Variants in GNA12 observed in about 807,000 individuals in gnomAD.
GNA12 encodes guanine nucleotide-binding protein subunit alpha-12.
A neutral mutation model predicts 26.0 loss-of-function variants in GNA12; 9 were observed. That is an observed-to-expected ratio of 0.35 (90% CI 0.21 to 0.60). The LOEUF is 0.60. Ranked by LOEUF, GNA12 falls within the 20% of genes least tolerant of loss-of-function variation. The pLI is 0.78. For missense variants in GNA12, 405 were observed against 525.8 expected (o/e 0.77, Z 2.25); for synonymous variants, 264 against 219.6 (o/e 1.20, Z -1.79).
chr7:2,741,696 C>T (rs1212123149), intron 2 of GNA12, among the ~76,000 whole-genome samples: 1 of 152,038 alleles, frequency 6.6e-6, no homozygotes, highest in Non-Finnish European at 1.5e-5. Flanking sequence ...TCTTTCAATA[C>T]ACAGACTTTT....
chr7:2,832,021 T>A (rs1195139924), intron 1 of GNA12, among the ~76,000 whole-genome samples: 1 of 152,204 alleles, frequency 6.6e-6, no homozygotes, highest in Non-Finnish European at 1.5e-5. Flanking sequence ...CCCGTGGAGT[T>A]GTCAGTGACT....
At chr7:2,842,014 A>AGGAAGGAAGAAAGGGAGGGAGG (rs1386952004) in intron 1 of GNA12, among the ~76,000 whole-genome samples, 1 of 145,040 alleles carries the variant, frequency 6.9e-6, no homozygotes, top group Non-Finnish European at 1.5e-5. Flanking sequence ...GGAGGGAGGG[A>AGGAAGGAAGAAAGGGAGGGAGG]GAAAGGAAGG....
intron 2 of GNA12, among the ~76,000 whole-genome samples, chr7:2,777,346 T>C (rs1583272873): frequency 6.6e-6 from 1 of 152,272 alleles, no homozygotes; most frequent in African/African-American, 2.4e-5. Context: ...TATTGTCTCT[T>C]AGTTCAATTA....
rs112206528 is a variant in GNA12, at chr7:2,743,402, CA to C, written c.526-9902del. On this transcript the variant is annotated intron_variant, in intron 2 of 3. Transcript: ENST00000275364. ...TCAAAATATGGAAGATATTCATCATCAGGGGCAAAAACAATCAGAAGTTATC... is the reference window on the plus strand; with the variant it reads ...TCAAAATATGGAAGATATTCATCATCGGGGCAAAAACAATCAGAAGTTATC... Among the ~76,000 whole-genome samples, 1,050 of 152,254 alleles carry C rather than the reference CA, an allele frequency of 6.9e-3. 14 individuals carry two copies. The highest frequency in any genetic ancestry group is 0.024 in the African/African-American group (979 of 41,546).
chr7:2,812,907 T>C (rs1443086807), intron 1 of GNA12, among the ~76,000 whole-genome samples: 1 of 152,202 alleles, frequency 6.6e-6, no homozygotes, highest in Non-Finnish European at 1.5e-5. Flanking sequence ...ATATATAAAA[T>C]CAAAAGAATC....
At chr7:2,768,452 A>G (rs1255356449) in intron 2 of GNA12, among the ~76,000 whole-genome samples, 2 of 152,210 alleles carry the variant, frequency 1.3e-5, no homozygotes, top group Non-Finnish European at 2.9e-5. Flanking sequence ...TCAGAAAAAC[A>G]CTAACTGCAT....
At chr7:2,826,090 A>G (rs1367940004) in intron 1 of GNA12, among the ~76,000 whole-genome samples, 1 of 152,104 alleles carries the variant, frequency 6.6e-6, no homozygotes, top group African/African-American at 2.4e-5. Context: ...AAAACTAAAC[A>G]TACTCGGGCC....
Position 2,782,503 on chromosome 7 carries a change from T to C in GNA12, c.525+12425A>G, listed in dbSNP as rs111739079. 7.9e-5 allele frequency among the ~76,000 whole-genome samples: 12 copies of C among 152,326 alleles called. 1 individual carries two copies. Among genetic ancestry groups the C allele is most frequent in the African/African-American group, 2.9e-4 (12 of 41,576 alleles). On this transcript the variant is annotated intron_variant, in intron 2 of 3. Coordinates refer to ENST00000275364, the MANE Select transcript of GNA12 (RefSeq NM_007353.3). ...TGTAGACACCACCTCGAGATATCAT[T>C]CCACTCTTTCTGGCGCCTGCTGTAG... is the stretch of plus-strand genomic sequence containing the variant.
intron 2 of GNA12, chr7:2,763,182 AG>A (rs546871534): frequency 1.9e-4 from 140 of 741,858 alleles, no homozygotes; most frequent in Admixed American, 5.5e-5. Flanking sequence ...GGACTTCACA[AG>A]ACACCCCAAC....
chr7:2,735,174 C>T (rs1210753798), intron 2 of GNA12, among the ~76,000 whole-genome samples: 2 of 152,228 alleles, frequency 1.3e-5, no homozygotes, highest in Non-Finnish European at 2.9e-5. Flanking sequence ...CTCCTGCTCT[C>T]CTGCCCTCCC....
chr7:2,736,572 G>A (rs551170268), intron 2 of GNA12, among the ~76,000 whole-genome samples: 1 of 152,068 alleles, frequency 6.6e-6, no homozygotes. Flanking sequence ...GTTGATATGG[G>A]GCCTGTGCAC....
Position 2,738,533 on chromosome 7 carries a change from T to C in GNA12, c.526-5032A>G, listed in dbSNP as rs1259271269. On this transcript the variant is annotated intron_variant, in intron 2 of 3. Transcript: ENST00000275364. Reference sequence around the variant, plus strand: ...GAGTATCTTCCTTTTATGTAAGAAATGGCGGGAGACTAAAACCCATATTCT... The same window carrying C: ...GAGTATCTTCCTTTTATGTAAGAAACGGCGGGAGACTAAAACCCATATTCT... Among the ~76,000 whole-genome samples the C allele has an allele frequency of 3.3e-5, 5 of 151,938 alleles. 1 individual carries two copies. The South Asian group carries it at 1.0e-3, about 32-fold the overall frequency.
chr7:2,795,627 CA>C lies in GNA12; in HGVS notation c.310-485del, dbSNP rs11412223. Among the ~76,000 whole-genome samples, 924 of 117,506 alleles carry C rather than the reference CA, an allele frequency of 7.9e-3. 9 individuals carry two copies. The highest frequency in any genetic ancestry group is 0.025 in the African/African-American group (732 of 29,568). The allele number at this position is 117,506 out of a possible 152,430, so 77.1% of individuals were successfully genotyped here. On this transcript the variant is annotated intron_variant, in intron 1 of 3. Transcript: ENST00000275364. ...TGGGCAACAGAGCAAGACCCTGTTT[CA>C]AAAAAAAAAAAAGAAAAGAAAAAAG...
At chr7:2,774,353 G>A (rs920507219) in intron 2 of GNA12, among the ~76,000 whole-genome samples, 3 of 152,192 alleles carry the variant, frequency 2.0e-5, no homozygotes, top group African/African-American at 4.8e-5. Flanking sequence ...AGTGGTGGGT[G>A]CGGTTTTGAC....
At chr7:2,790,461 G>A (rs1157995646) in intron 2 of GNA12, among the ~76,000 whole-genome samples, 1 of 152,184 alleles carries the variant, frequency 6.6e-6, no homozygotes, top group Non-Finnish European at 1.5e-5. Flanking sequence ...TTGCTTGCAT[G>A]TCTGTCTGTC....
intron 1 of GNA12, among the ~76,000 whole-genome samples, chr7:2,816,023 T>C (rs1793210157): frequency 6.6e-6 from 1 of 152,184 alleles, no homozygotes; most frequent in African/African-American, 2.4e-5. Context: ...TGCGTCTAAG[T>C]ACACATCCCG....
At chr7:2,739,477 CAA>C (rs1491332572) in intron 2 of GNA12, among the ~76,000 whole-genome samples, 2 of 103,406 alleles carry the variant, frequency 1.9e-5, no homozygotes, top group African/African-American at 6.6e-5. Context: ...ATTTTACGGC[CAA>C]TATATATATA....
At chr7:2,795,844 A>C (rs1220864179) in intron 1 of GNA12, among the ~76,000 whole-genome samples, 1 of 140,214 alleles carries the variant, frequency 7.1e-6, no homozygotes, top group Non-Finnish European at 1.5e-5. Flanking sequence ...TCTTAGATGG[A>C]GTTTCACTCT....
intron 1 of GNA12, among the ~76,000 whole-genome samples, chr7:2,810,742 A>G (rs1793060360): frequency 6.6e-6 from 1 of 152,106 alleles, no homozygotes. Context: ...AAAACACAAA[A>G]TTAGGTGGGT....
Sources: gnomAD v4.1 joint callset for allele counts (sites outside exome capture counted in the v4.1 genomes callset) on GRCh38, gnomAD v4.1.1 for gene constraint, MANE v1.5 for transcripts, NCBI Gene and HGNC (gene_info 2026-07-23, HGNC 2026-07-21) for gene names.